PPP6R2: variants seen among roughly 807,000 people sequenced by gnomAD.
The protein encoded by PPP6R2 is protein phosphatase 6 regulatory subunit 2.
A neutral mutation model predicts 100.2 loss-of-function variants in PPP6R2; 62 were observed. The ratio of observed to expected loss-of-function variants is 0.62; its 90% CI spans 0.50 to 0.76. PPP6R2 has a LOEUF of 0.76. Ranked by LOEUF, PPP6R2 falls within the 30% of genes least tolerant of loss-of-function variation. The pLI is 0.00. For synonymous variants in PPP6R2, 525 were observed against 514.7 expected, an observed-to-expected ratio of 1.02 and a Z score of -0.27; for missense variants, 1,142 against 1,276.3, an observed-to-expected ratio of 0.89 and a Z score of 1.60.
intron 10 of PPP6R2, among the ~76,000 whole-genome samples, chr22:50,429,531 T>A (rs987089299): frequency 3.7e-4 from 56 of 152,366 alleles, no homozygotes; most frequent in African/African-American, 1.2e-3. Flanking sequence ...TTTGCATCCA[T>A]GTTGATAAGG....
intron 8 of PPP6R2, among the ~76,000 whole-genome samples, chr22:50,420,566 G>A (rs972243752): frequency 1.3e-5 from 2 of 152,210 alleles, no homozygotes; most frequent in African/African-American, 4.8e-5. Context: ...CTGGATCATA[G>A]TGTGGCCTAG....
rs2060273747 is a variant in PPP6R2 at position 50,414,701 on chromosome 22, A to AG, written c.552+13dup. The AG allele has an allele frequency of 1.9e-6, 3 of 1,563,902 alleles. No homozygotes were observed. The highest frequency in any genetic ancestry group is 2.6e-6 in the Non-Finnish European group (3 of 1,161,118). On this transcript the variant is annotated intron_variant, in intron 5 of 23. Coordinates refer to ENST00000612753, the MANE Select transcript of PPP6R2 (RefSeq NM_001242898.2). ...AGGACGTCCTGCACGTGAGTGCGGG[A>AG]GTCCCCCCCCGTTCCCGAGGGCAGG...
At chr22:50,420,740 G>A (rs1415966760) in intron 8 of PPP6R2, among the ~76,000 whole-genome samples, 1 of 152,178 alleles carries the variant, frequency 6.6e-6, no homozygotes, top group Non-Finnish European at 1.5e-5. Context: ...GTGCCCAGGA[G>A]ATCCTATAGG....
intron 9 of PPP6R2, among the ~76,000 whole-genome samples, chr22:50,422,980 G>A (rs958454232): frequency 3.9e-5 from 6 of 152,206 alleles, no homozygotes; most frequent in African/African-American, 1.4e-4. Context: ...AGTAGGCTGA[G>A]TGTGGGGGAT....
At chr22:50,432,219 C>T (rs997904872) in intron 11 of PPP6R2, 46 bp from the exon 12 acceptor site, 17 of 1,512,380 alleles carry the variant, frequency 1.1e-5, no homozygotes, top group Admixed American at 3.9e-5. Context: ...GGGTGCGTGC[C>T]GCCTTCAGAC....
intron 1 of PPP6R2, among the ~76,000 whole-genome samples, chr22:50,371,281 T>C (rs2050144784): frequency 6.6e-6 from 1 of 152,126 alleles, no homozygotes; most frequent in Non-Finnish European, 1.5e-5. Flanking sequence ...ACTTGAGGGC[T>C]GTAATGTGCT....
At position 50,392,505 on chromosome 22, in the gene PPP6R2, G is replaced by A. The variant is rs74363584; in HGVS notation, c.-16-1388G>A. On this transcript the variant is annotated intron_variant, in intron 2 of 23. Transcript: ENST00000612753. ...GCCCATGGGCAGTGCCCGCCCAGTG[G>A]TGTGTATAGATCGGAGGCTGCAGGG... Among the ~76,000 whole-genome samples the A allele has an allele frequency of 6.4e-4, 97 of 152,360 alleles. No homozygotes were observed. In the East Asian group the frequency reaches 0.014, roughly 22 times the overall value.
Position 50,432,276 on chromosome 22 carries a change from G to A in PPP6R2, c.1347G>A (p.Lys449=). 1.3e-6 allele frequency: 2 copies of A among 1,550,002 alleles called. No individual in the cohort carries two copies. Among genetic ancestry groups the A allele is most frequent in the South Asian group, 2.4e-5 (2 of 84,018 alleles). Residue 449 remains lysine, a synonymous_variant, in exon 12 of 24, where the codon AAG becomes AAA. Transcript: ENST00000612753. ...DNTMVTHLFQ[K]CCLVQRILEA... ...GCCCCGCCCCCCAGCTGTTCCAGAA[G>A]TGCTGCCTGGTGCAGAGGATCCTGG... is the stretch of plus-strand genomic sequence containing the variant.
intron 22 of PPP6R2, chr22:50,443,350 C>T (rs1044397708): frequency 6.5e-6 from 1 of 154,632 alleles, no homozygotes; most frequent in Non-Finnish European, 1.4e-5. Flanking sequence ...CCCCGCCTGA[C>T]CTGAGTGCCC....
chr22:50,342,022 C>T (rs1002871645), upstream of PPP6R2, among the ~76,000 whole-genome samples: 1 of 151,882 alleles, frequency 6.6e-6, no homozygotes, highest in Non-Finnish European at 1.5e-5. Flanking sequence ...AGAGGGGCTC[C>T]TGCTCACCCC....
At chr22:50,418,536 G>A (rs1434429401) in intron 6 of PPP6R2, among the ~76,000 whole-genome samples, 2 of 151,834 alleles carry the variant, frequency 1.3e-5, no homozygotes, top group Admixed American at 6.6e-5. Flanking sequence ...ACAGGCACCC[G>A]CCACCACGCC....
At chr22:50,392,825 CAG>C (rs765914799) in intron 2 of PPP6R2, among the ~76,000 whole-genome samples, 8 of 152,158 alleles carry the variant, frequency 5.3e-5, no homozygotes, top group Non-Finnish European at 1.0e-4. Flanking sequence ...GCTCCCGTGT[CAG>C]GGGTCCTAGG....
chr22:50,372,266 T>C (rs1264841109), intron 2 of PPP6R2, 116 bp downstream of exon 2: 1 of 152,154 alleles, frequency 6.6e-6, no homozygotes, highest in East Asian at 1.9e-4. Context: ...TTAGAAGATA[T>C]GCTGGCTGGG....
chr22:50,395,189 C>T (rs1199517799), intron 3 of PPP6R2, among the ~76,000 whole-genome samples: 1 of 152,098 alleles, frequency 6.6e-6, no homozygotes, highest in Admixed American at 6.6e-5. Context: ...GTCTTCAGCT[C>T]GAAGGAAATA....
At chr22:50,414,774 G>C in intron 5 of PPP6R2, 85 bp downstream of exon 5, 1 of 1,464,682 alleles carries the variant, frequency 6.8e-7, no homozygotes, top group Non-Finnish European at 9.2e-7. Flanking sequence ...CAGAGCACCA[G>C]GGCGCCCGGC....
At chr22:50,369,485 C>G (rs1486417201) in intron 1 of PPP6R2, among the ~76,000 whole-genome samples, 2 of 151,722 alleles carry the variant, frequency 1.3e-5, no homozygotes, top group African/African-American at 4.8e-5. Flanking sequence ...ACTCTGTTAC[C>G]CAAGCTGCAG....
chr22:50,394,839 G>A (rs966463300), intron 3 of PPP6R2, among the ~76,000 whole-genome samples: 1 of 149,716 alleles, frequency 6.7e-6, no homozygotes, highest in Non-Finnish European at 1.5e-5. Context: ...GTGTGAACCC[G>A]GGAGGTGGAG....
intron 1 of PPP6R2, among the ~76,000 whole-genome samples, chr22:50,367,876 C>T (rs1218182578): frequency 6.6e-6 from 1 of 152,042 alleles, no homozygotes; most frequent in Non-Finnish European, 1.5e-5. Context: ...CACGGAGACC[C>T]GTAGTGGCCC....
chr22:50,413,896 C>T (rs924616793), intron 4 of PPP6R2, among the ~76,000 whole-genome samples: 2 of 152,160 alleles, frequency 1.3e-5, no homozygotes, highest in African/African-American at 2.4e-5. Flanking sequence ...GAATTTGCAG[C>T]GAGCCCAGCC....
Sources: gnomAD v4.1 joint callset for allele counts (sites outside exome capture counted in the v4.1 genomes callset) on GRCh38, gnomAD v4.1.1 for gene constraint, MANE v1.5 for transcripts, NCBI Gene and HGNC (gene_info 2026-07-23, HGNC 2026-07-21) for gene names.